MACF1: variants seen among roughly 807,000 people sequenced by gnomAD.
MACF1 encodes microtubule-actin cross-linking factor 1.
A neutral mutation model predicts 854.8 loss-of-function variants in MACF1; 193 were observed. That is an observed-to-expected ratio of 0.23 (90% CI 0.20 to 0.25). The LOEUF is 0.25. MACF1 is among the 10% of genes least tolerant of loss of function. The pLI, the probability that MACF1 is intolerant of heterozygous loss-of-function variation, is 1.00. For missense variants in MACF1, 7,722 were observed against 8,929.1 expected, an observed-to-expected ratio of 0.86 and a Z score of 5.45; for synonymous variants, 3,185 against 3,226.7, an observed-to-expected ratio of 0.99 and a Z score of 0.44.
chr1:39,151,975 A>G (rs985299730), intron 2 of MACF1, among the ~76,000 whole-genome samples: 1 of 151,718 alleles, frequency 6.6e-6, no homozygotes, highest in Non-Finnish European at 1.5e-5. Flanking sequence ...AAATATATAT[A>G]TTTTTTATTT....
At chr1:39,405,455 A>G (rs1193804287) in intron 58 of MACF1, among the ~76,000 whole-genome samples, 1 of 152,230 alleles carries the variant, frequency 6.6e-6, no homozygotes, top group African/African-American at 2.4e-5. Flanking sequence ...GCATCATAGA[A>G]TCTAGGGAAG....
intron 2 of MACF1, among the ~76,000 whole-genome samples, chr1:39,155,400 A>T (rs1257719681): frequency 1.3e-5 from 2 of 152,308 alleles, no homozygotes; most frequent in Non-Finnish European, 2.9e-5. Flanking sequence ...TTCCTTCTTT[A>T]GGTGGGAAGA....
At chr1:39,146,881 G>T (rs1396897774) in intron 2 of MACF1, among the ~76,000 whole-genome samples, 3 of 152,132 alleles carry the variant, frequency 2.0e-5, no homozygotes, top group Admixed American at 2.0e-4. Context: ...ATTGCTTGAG[G>T]TGATGGATAC....
In MACF1 at chr1:39,334,851, C is replaced by A. The variant is rs1646784864; in HGVS notation, c.8263C>A (p.Leu2755Met). Residue 2755 changes from leucine to methionine, a missense_variant, in exon 37 of 101, where the codon CTG becomes ATG. By Grantham distance (15) the Leu-to-Met change is conservative. Transcript: ENST00000564288. ...AIEKRLISPE[L>M]ANMIQIDSSE... ...TGAGAAAAGACTGATCAGCCCTGAA[C>A]TGGCAAATATGATCCAAATAGATAG... is the stretch of plus-strand genomic sequence containing the variant. The A allele has an allele frequency of 6.2e-7, 1 of 1,614,040 alleles. No homozygotes were observed. Among genetic ancestry groups the A allele is most frequent in the Non-Finnish European group, 8.5e-7 (1 of 1,180,030 alleles).
intron 2 of MACF1, among the ~76,000 whole-genome samples, chr1:39,236,437 T>C (rs1254153199): frequency 6.6e-6 from 1 of 152,214 alleles, no homozygotes; most frequent in Non-Finnish European, 1.5e-5. Flanking sequence ...ACTTAACACC[T>C]CTTCAGTAAG....
At chr1:39,173,713 C>T (rs1391351229) in intron 2 of MACF1, among the ~76,000 whole-genome samples, 4 of 152,180 alleles carry the variant, frequency 2.6e-5, no homozygotes, top group East Asian at 3.8e-4. Flanking sequence ...TACTGAGGGG[C>T]GGCTGTGTTT....
In MACF1 at chr1:39,409,793, ATG is replaced by A. The variant is rs1382538956; in HGVS notation, c.15817-12580_15817-12579del. 5 of 154,268 alleles carry A rather than the reference ATG, an allele frequency of 3.2e-5. No homozygotes were observed. Among genetic ancestry groups the A allele is most frequent in the African/African-American group, 9.6e-5 (4 of 41,490 alleles). 9.6% of individuals were successfully genotyped at this position (154,268 alleles called of 1,614,324 possible). ...CTCCAGGGCTGGAACTGAGGATAAA[ATG>A]AAAGGAATTCTTAGGAGCTTGGGCC... On this transcript the variant is annotated intron_variant, in intron 58 of 100. Transcript: ENST00000564288. This position sits in a 1 kb window ranked among gnomAD's most constrained non-coding sequence, Gnocchi z 4.2.
rs776011701 is a variant in MACF1 at position 39,336,283 on chromosome 1, A to G, written c.9695A>G (p.Gln3232Arg). Residue 3232 changes from glutamine (Q) to arginine (R), a missense_variant, in exon 37 of 101, where the codon CAG becomes CGG. By Grantham distance (43) the Gln-to-Arg change is conservative. Transcript: ENST00000564288. The part of the protein sequence containing the change: ...CGTLKSEIAT[Q>R]ELTGEKFLEM... ...ACTCTCAAATCTGAAATAGCAACACAGGAACTAACTGGAGAGAAATTTCTA... is the reference window on the plus strand; with the variant it reads ...ACTCTCAAATCTGAAATAGCAACACGGGAACTAACTGGAGAGAAATTTCTA... The G allele has an allele frequency of 3.1e-6, 5 of 1,614,102 alleles. No individual in the cohort carries two copies. In the East Asian group the frequency reaches 1.1e-4, roughly 36 times the overall value.
Position 39,234,477 on chromosome 1 carries a change from T to A in MACF1, c.171+3234T>A. Among the ~76,000 whole-genome samples, 2 of 121,024 alleles carry A rather than the reference T, an allele frequency of 1.7e-5. 1 individual carries two copies. The highest frequency in any genetic ancestry group is 3.4e-5 in the Non-Finnish European group (2 of 58,012). 79.4% of individuals were successfully genotyped at this position (121,024 alleles called of 152,430 possible). A position where few individuals can be genotyped will look rare whatever the true frequency, so the allele number is the denominator to read the frequency against. ...CTGGCCTGGCAGAGGAGCTCCTCAC[T>A]TCTCAGTAGGGGCAGCCGGGCAGAG... On this transcript the variant is annotated intron_variant, in intron 2 of 100. Coordinates refer to ENST00000564288, the MANE Select transcript of MACF1 (RefSeq NM_001394062.1).
intron 58 of MACF1, chr1:39,410,277 A>G (rs1284912768): frequency 6.3e-7 from 1 of 1,580,282 alleles, no homozygotes; most frequent in Admixed American, 1.8e-5. Context: ...TGGGTAAGCC[A>G]CTCAGCAGAC....
In MACF1 at chr1:39,356,033, C is replaced by T. The variant is rs16826103; in HGVS notation, c.11425-1342C>T. 9.1e-3 allele frequency among the ~76,000 whole-genome samples: 1,391 copies of T among 152,236 alleles called. 23 individuals carry two copies. The highest frequency in any genetic ancestry group is 0.031 in the African/African-American group (1,303 of 41,534). ...GTTGTTGATACAGGCTAAAACTAGACGATGATCTGTAGTCCTTCTCTAAGT... is the reference window on the plus strand; with the variant it reads ...GTTGTTGATACAGGCTAAAACTAGATGATGATCTGTAGTCCTTCTCTAAGT... On this transcript the variant is annotated intron_variant, in intron 44 of 100. Coordinates refer to ENST00000564288, the MANE Select transcript of MACF1 (RefSeq NM_001394062.1).
At chr1:39,188,985 G>A (rs1345297281) in intron 2 of MACF1, among the ~76,000 whole-genome samples, 1 of 152,194 alleles carries the variant, frequency 6.6e-6, no homozygotes, top group Non-Finnish European at 1.5e-5. Flanking sequence ...TGATCCACCT[G>A]CTTCGGCCTC....
intron 58 of MACF1, among the ~76,000 whole-genome samples, chr1:39,417,713 A>ATTTTTTT (rs56799242): frequency 7.2e-5 from 4 of 55,830 alleles, no homozygotes; most frequent in Non-Finnish European, 1.2e-4. Flanking sequence ...CACCCAGTTA[A>ATTTTTTT]TTTTTTTTTT....
At chr1:39,202,500 T>C (rs926687083), upstream of MACF1, among the ~76,000 whole-genome samples, 1 of 151,632 alleles carries the variant, frequency 6.6e-6, no homozygotes, top group Non-Finnish European at 1.5e-5. Context: ...CTAGGTGTAG[T>C]GGCACGTGCC....
At chr1:39,408,825 C>T (rs375428469) in intron 58 of MACF1, among the ~76,000 whole-genome samples, 1 of 151,896 alleles carries the variant, frequency 6.6e-6, no homozygotes, top group African/African-American at 2.4e-5. Flanking sequence ...GCTGGCGTCC[C>T]GGGTCTCTCG....
chr1:39,166,600 C>A (rs1019279465), intron 2 of MACF1, among the ~76,000 whole-genome samples: 3 of 151,000 alleles, frequency 2.0e-5, no homozygotes, highest in Non-Finnish European at 3.0e-5. Context: ...GGGATTTGCC[C>A]ACTACCACAC....
Position 39,388,019 on chromosome 1 carries a change from G to A in MACF1, c.15177G>A (p.Leu5059=). Residue 5059 remains leucine (L), a synonymous_variant, in exon 58 of 101, where the codon CTG becomes CTA. Coordinates refer to ENST00000564288, the MANE Select transcript of MACF1 (RefSeq NM_001394062.1). ...AGCTAAGAGCTCAACAGGAAGTGCTGCAGGCCCTAGAGCCTCAGGTAGACT... is the reference window on the plus strand; with the variant it reads ...AGCTAAGAGCTCAACAGGAAGTGCTACAGGCCCTAGAGCCTCAGGTAGACT... ...LEKLRAQQEV[L]QALEPQVDYL... 6.2e-7 allele frequency: 1 copy of A among 1,614,166 alleles called. No individual in the cohort carries two copies. Among genetic ancestry groups the A allele is most frequent in the Non-Finnish European group, 8.5e-7 (1 of 1,180,030 alleles).
chr1:39,381,093 T>C (rs749776796), intron 55 of MACF1, among the ~76,000 whole-genome samples: 115 of 152,256 alleles, frequency 7.6e-4, no homozygotes, highest in Non-Finnish European at 1.3e-3. Context: ...AGTTTGCTCT[T>C]GTTGTCCAGG....
chr1:39,332,035 C>A lies in MACF1; in HGVS notation c.5447C>A (p.Thr1816Asn). 6.2e-7 allele frequency: 1 copy of A among 1,613,984 alleles called. No homozygotes were observed. Among genetic ancestry groups the A allele is most frequent in the Non-Finnish European group, 8.5e-7 (1 of 1,179,994 alleles). The change falls in exon 37 of 101, where the codon ACT (threonine) becomes AAT (asparagine). Residue 1816 changes from threonine (T) to asparagine (N), a missense_variant. Coordinates refer to ENST00000564288, the MANE Select transcript of MACF1 (RefSeq NM_001394062.1). The part of the protein sequence containing the change: ...RQLQTGGIID[T>N]VTGQRLTIDE... ...CTTCAGACAGGAGGCATCATAGACA[C>A]TGTCACGGGGCAAAGGCTAACAATA...
Sources: allele counts gnomAD v4.1 joint callset (sites outside exome capture counted in the v4.1 genomes callset), GRCh38; gene constraint gnomAD v4.1.1; non-coding constraint Gnocchi (gnomAD v3.1); transcripts MANE v1.5; gene names NCBI Gene and HGNC (gene_info 2026-07-23, HGNC 2026-07-21).